The following KALRN variants were observed in gnomAD, a reference collection of about 807,000 sequenced individuals.
KALRN encodes the protein kalirin RhoGEF kinase, also known as kalirin.
KALRN carries 70 observed loss-of-function variants against 353.7 expected under a neutral mutation model. The observed-to-expected ratio is 0.20, with a 90% CI of 0.16 to 0.24. The LOEUF (loss-of-function observed/expected upper bound fraction) is 0.24. Among genes scored for constraint, KALRN ranks in the 10% least tolerant of loss-of-function variants. The pLI is 1.00. For missense variants in KALRN, 2,791 were observed against 3,756.7 expected, an observed-to-expected ratio of 0.74 and a Z score of 6.72; for synonymous variants, 1,391 against 1,434.8, an observed-to-expected ratio of 0.97 and a Z score of 0.69.
chr3:124,416,145 C>G (rs1055405045), intron 14 of KALRN, among the ~76,000 whole-genome samples: 4 of 152,182 alleles, frequency 2.6e-5, no homozygotes, highest in African/African-American at 9.7e-5. Context: ...TGCAGGGATG[C>G]TCACCCTTCA....
chr3:124,496,239 A>G, intron 32 of KALRN, 72 bp from the exon 33 acceptor site: 1 of 1,151,496 alleles, frequency 8.7e-7, no homozygotes, highest in Non-Finnish European at 1.3e-6. Flanking sequence ...CCAACCGGAA[A>G]TCCTTGTGTG....
At chr3:124,170,855 TTTTTTTTTTTTTTTTG>T (rs2071691952) in intron 1 of KALRN, among the ~76,000 whole-genome samples, 1 of 130,390 alleles carries the variant, frequency 7.7e-6, no homozygotes, top group Admixed American at 7.6e-5. Flanking sequence ...TTTTTTTTTT[TTTTTTTTTTTTTTTTG>T]AGACATGGTC....
At chr3:124,486,512 G>A (rs137997427) in intron 28 of KALRN, among the ~76,000 whole-genome samples, 3 of 152,264 alleles carry the variant, frequency 2.0e-5, no homozygotes, top group African/African-American at 7.2e-5. Context: ...TCAAACATGT[G>A]CTCTAGGGGG....
At chr3:124,216,194 AT>A (rs1417588889) in intron 1 of KALRN, among the ~76,000 whole-genome samples, 1 of 152,268 alleles carries the variant, frequency 6.6e-6, no homozygotes, top group African/African-American at 2.4e-5. Flanking sequence ...CACAGTTTCC[AT>A]TTATCTCAGC....
At chr3:124,637,077 C>T (rs533613951) in intron 36 of KALRN, 131 bp from the exon 37 acceptor site, 14 of 728,952 alleles carry the variant, frequency 1.9e-5, no homozygotes, top group South Asian at 1.3e-4. Context: ...CCCTCTGTCA[C>T]CTCTTCCGTC....
chr3:124,091,260 G>T (rs1457833657), intron 1 of KALRN, among the ~76,000 whole-genome samples: 1 of 152,222 alleles, frequency 6.6e-6, no homozygotes, highest in Non-Finnish European at 1.5e-5. Flanking sequence ...AGGGAGATCA[G>T]TATGTCTGTG....
chr3:124,222,750 T>A (rs892447717), intron 1 of KALRN, among the ~76,000 whole-genome samples: 3 of 152,136 alleles, frequency 2.0e-5, no homozygotes, highest in Non-Finnish European at 4.4e-5. Flanking sequence ...TACAGATGCG[T>A]GCCACCATGC....
chr3:124,242,889 A>G (rs1365790029), intron 3 of KALRN, among the ~76,000 whole-genome samples: 1 of 152,146 alleles, frequency 6.6e-6, no homozygotes, highest in African/African-American at 2.4e-5. Flanking sequence ...TCTGTGGGTG[A>G]TAGTCAACCA....
At position 124,705,038 on chromosome 3, in the gene KALRN, A is replaced by G. The variant is rs548170508; in HGVS notation, c.8075+2922A>G. 2.0e-5 allele frequency among the ~76,000 whole-genome samples: 3 copies of G among 152,358 alleles called. No individual in the cohort carries two copies. The South Asian group carries it at 6.2e-4, about 32-fold the overall frequency. On this transcript the variant is annotated intron_variant, in intron 57 of 59. Transcript: ENST00000682506. ...ACAGTGCAGGAAGATTCTCTCCTAC[A>G]GCACATCCATAGAAGGAAAGGGCAC...
At chr3:124,532,967 A>G (rs79668888) in intron 33 of KALRN, among the ~76,000 whole-genome samples, 2,149 of 149,448 alleles carry the variant, frequency 0.014, 47 homozygotes, top group East Asian at 0.1. Flanking sequence ...ACACATCCTA[A>G]GTAATGTTGA....
intron 33 of KALRN, among the ~76,000 whole-genome samples, chr3:124,501,919 A>G (rs982583559): frequency 6.6e-6 from 1 of 152,222 alleles, no homozygotes; most frequent in African/African-American, 2.4e-5. Context: ...AAGGATGGCC[A>G]TTTCTAGTCT....
chr3:124,094,802 G>C (rs769968482), intron 1 of KALRN: 2 of 1,596,872 alleles, frequency 1.3e-6, no homozygotes, highest in Non-Finnish European at 1.7e-6. Flanking sequence ...AGGCTCTGCC[G>C]AGGGGACTGG....
rs535552580 is a variant in KALRN at position 124,400,753 on chromosome 3, GGCATTC to G, written c.2346+1883_2346+1888del. On this transcript the variant is annotated intron_variant, in intron 13 of 59. Coordinates refer to ENST00000682506, the MANE Select transcript of KALRN (RefSeq NM_001388419.1). ...GGCTAAGTTGATTAAAGTAGCCCAA[GGCATTC>G]CTGCAATCATTCCTCAGCTCCATTT... Among the ~76,000 whole-genome samples, 14 of 152,298 alleles carry G rather than the reference GGCATTC, an allele frequency of 9.2e-5. No individual in the cohort carries two copies. In the South Asian group the frequency reaches 2.5e-3, roughly 27 times the overall value.
chr3:124,633,037 A>C lies in KALRN; in HGVS notation c.5466+334A>C, dbSNP rs2080951445. On this transcript the variant is annotated intron_variant, in intron 35 of 59. Transcript: ENST00000682506. ...GACCTGTTTAGATTTAGAATAAAAG[A>C]ATGAAGATTGTTTCATTTTGAAAAC... Among the ~76,000 whole-genome samples, 4 of 152,220 alleles carry C rather than the reference A, an allele frequency of 2.6e-5. No individual in the cohort carries two copies. In the South Asian group the frequency reaches 8.3e-4, roughly 32 times the overall value.
intron 34 of KALRN, among the ~76,000 whole-genome samples, chr3:124,625,089 C>A (rs1470430147): frequency 3.9e-5 from 6 of 152,142 alleles, no homozygotes; most frequent in Non-Finnish European, 8.8e-5. Context: ...ACAAATGCTT[C>A]TCTGGGTCTA....
intron 44 of KALRN, 100 bp downstream of exon 44, chr3:124,661,073 T>C (rs2084811487): frequency 2.2e-6 from 2 of 917,292 alleles, no homozygotes; most frequent in African/African-American, 1.6e-5. Context: ...TGGATCCAGG[T>C]GGACCCCTCT....
intron 5 of KALRN, among the ~76,000 whole-genome samples, chr3:124,285,877 C>G (rs1360654978): frequency 1.3e-5 from 2 of 152,088 alleles, no homozygotes; most frequent in African/African-American, 4.8e-5. Context: ...TTTCACTTGC[C>G]ACATTTCAAA....
chr3:124,657,875 C>T, intron 41 of KALRN, 72 bp downstream of exon 41: 1 of 1,134,156 alleles, frequency 8.8e-7, no homozygotes, highest in Non-Finnish European at 1.3e-6. Flanking sequence ...AAATCCTGGC[C>T]AGGCACAGTG....
chr3:124,326,292 T>A (rs954539345), intron 7 of KALRN, 121 bp downstream of exon 7: 2 of 674,084 alleles, frequency 3.0e-6, no homozygotes, highest in African/African-American at 1.8e-5. Flanking sequence ...TTTGAAACAC[T>A]GAAGACCCTG....
Sources: gnomAD v4.1 joint callset for allele counts (sites outside exome capture counted in the v4.1 genomes callset) on GRCh38, gnomAD v4.1.1 for gene constraint, MANE v1.5 for transcripts, NCBI Gene and HGNC (gene_info 2026-07-23, HGNC 2026-07-21) for gene names.